The following KALRN variants were observed in gnomAD, a reference collection of about 807,000 sequenced individuals.
The protein encoded by KALRN is kalirin RhoGEF kinase.
A neutral mutation model predicts 353.7 loss-of-function variants in KALRN; 70 were observed. That is an observed-to-expected ratio of 0.20 (90% CI 0.16 to 0.24). KALRN has a LOEUF of 0.24. Ranked by LOEUF, KALRN falls within the 10% of genes least tolerant of loss-of-function variation. The probability of loss-of-function intolerance (pLI) is 1.00; values close to 1 mark genes in which losing one functional copy is unlikely to be tolerated. For synonymous variants in KALRN, 1,391 were observed against 1,434.8 expected, an observed-to-expected ratio of 0.97 and a Z score of 0.69; for missense variants, 2,791 against 3,756.7, an observed-to-expected ratio of 0.74 and a Z score of 6.72.
In KALRN at chr3:124,102,091, T is replaced by A. The variant is rs570546247; in HGVS notation, c.73+68278T>A. 2.0e-5 allele frequency among the ~76,000 whole-genome samples: 3 copies of A among 152,312 alleles called. No individual in the cohort carries two copies. In the East Asian group the frequency reaches 5.8e-4, roughly 29 times the overall value. ...ATTAGAGGAGTTTGTTTTAATCACC[T>A]TCTCATTTGAGCCAAATATTCAGGT... On this transcript the variant is annotated intron_variant, in intron 1 of 59. Coordinates refer to ENST00000682506, the MANE Select transcript of KALRN (RefSeq NM_001388419.1).
At chr3:124,047,641 C>A (rs760452422) in intron 1 of KALRN, among the ~76,000 whole-genome samples, 1 of 150,964 alleles carries the variant, frequency 6.6e-6, no homozygotes, top group South Asian at 2.1e-4. Context: ...TACAGGCGCC[C>A]GCCACCACGC....
chr3:124,159,591 T>TA (rs397956961), intron 1 of KALRN, among the ~76,000 whole-genome samples: 1 of 118,898 alleles, frequency 8.4e-6, no homozygotes, highest in Admixed American at 8.6e-5. Flanking sequence ...TTTTTTTTTT[T>TA]AAACTTTCTA....
intron 10 of KALRN, among the ~76,000 whole-genome samples, chr3:124,364,297 A>G (rs1258211048): frequency 1.3e-5 from 2 of 152,182 alleles, no homozygotes; most frequent in Non-Finnish European, 2.9e-5. Context: ...GAATGTCAGG[A>G]ACAGTCAAGA....
intron 34 of KALRN, among the ~76,000 whole-genome samples, chr3:124,580,236 T>C (rs1257906151): frequency 2.0e-5 from 3 of 152,114 alleles, no homozygotes; most frequent in African/African-American, 7.2e-5. Context: ...ATACTTGAGT[T>C]TGAGAACCAC....
chr3:124,074,630 C>T (rs2060179760), intron 1 of KALRN, among the ~76,000 whole-genome samples: 1 of 152,198 alleles, frequency 6.6e-6, no homozygotes, highest in Non-Finnish European at 1.5e-5. Flanking sequence ...CTCTTAGAAC[C>T]TGGAAAGACT....
intron 6 of KALRN, among the ~76,000 whole-genome samples, chr3:124,312,363 G>A (rs2078359496): frequency 1.3e-5 from 2 of 152,190 alleles, no homozygotes; most frequent in African/African-American, 4.8e-5. Context: ...GTTTCGCCAT[G>A]TTGGCCAGGC....
chr3:124,181,076 C>CAAAAAAAAAAAAAAAAAAAAAAAAAA (rs60579271), intron 1 of KALRN, among the ~76,000 whole-genome samples: 2 of 55,280 alleles, frequency 3.6e-5, no homozygotes, highest in African/African-American at 1.5e-4. Flanking sequence ...ACTAAAAATA[C>CAAAAAAAAAAAAAAAAAAAAAAAAAA]AAAAAAAAAA....
Position 124,464,616 on chromosome 3 carries a change from G to T in KALRN, c.4031+1983G>T, listed in dbSNP as rs182262245. 1.2e-3 allele frequency among the ~76,000 whole-genome samples: 181 copies of T among 152,062 alleles called. 1 individual carries two copies. The highest frequency in any genetic ancestry group is 4.3e-3 in the African/African-American group (178 of 41,474). On this transcript the variant is annotated intron_variant, in intron 25 of 59. Coordinates refer to ENST00000682506, the MANE Select transcript of KALRN (RefSeq NM_001388419.1). Reference sequence around the variant, plus strand: ...ATCGAGTTAGAATATTATGAAGAAAGAAAAAGAAAATAACAACTAGCCTCT... The same window carrying T: ...ATCGAGTTAGAATATTATGAAGAAATAAAAAGAAAATAACAACTAGCCTCT...
chr3:124,352,737 C>A (rs2082964254), intron 10 of KALRN, among the ~76,000 whole-genome samples: 2 of 151,616 alleles, frequency 1.3e-5, no homozygotes, highest in African/African-American at 4.9e-5. Flanking sequence ...AACTGGAAAC[C>A]ATCATTCTCA....
chr3:124,718,900 TC>T (rs143730660), intron 59 of KALRN, 24 bp from the exon 60 acceptor site: 52,853 of 1,607,648 alleles, frequency 0.033, 1,066 homozygotes, highest in Non-Finnish European at 0.038. Context: ...CCTTCTTTTC[TC>T]CCTGCTTCCT....
chr3:124,496,687 T>C (rs1276645416), intron 33 of KALRN, among the ~76,000 whole-genome samples: 2 of 152,138 alleles, frequency 1.3e-5, no homozygotes, highest in Non-Finnish European at 2.9e-5. Context: ...TGAGGGAGTC[T>C]AGGTTTCTTC....
chr3:124,286,259 C>G (rs1560464234), intron 5 of KALRN, among the ~76,000 whole-genome samples: 1 of 147,782 alleles, frequency 6.8e-6, no homozygotes, highest in Non-Finnish European at 1.5e-5. Context: ...CTCTCTTGCT[C>G]TCTCTCTCTT....
At chr3:124,073,865 A>G (rs541730632) in intron 1 of KALRN, among the ~76,000 whole-genome samples, 3 of 152,150 alleles carry the variant, frequency 2.0e-5, no homozygotes, top group Non-Finnish European at 4.4e-5. Flanking sequence ...GACACAACAT[A>G]GAAGTATTTT....
At position 124,442,062 on chromosome 3, in the gene KALRN, C is replaced by G; in HGVS notation, c.3313+3C>G. 1 of 1,580,366 alleles carries G rather than the reference C, an allele frequency of 6.3e-7. No individual in the cohort carries two copies. On this transcript the variant is annotated splice_donor_region_variant and intron_variant, in intron 19 of 59. Transcript: ENST00000682506. Reference sequence around the variant, plus strand: ...GGGACCCGAGCAACAAGTGAAAGGTCAGTGAGAGACCTGCCCAGCCACCAG... The same window carrying G: ...GGGACCCGAGCAACAAGTGAAAGGTGAGTGAGAGACCTGCCCAGCCACCAG...
chr3:124,618,125 T>C (rs1279499948), intron 34 of KALRN, among the ~76,000 whole-genome samples: 1 of 98,576 alleles, frequency 1.0e-5, no homozygotes, highest in African/African-American at 4.3e-5. Context: ...TTTTTTTTTT[T>C]TGAGATGGAG....
At chr3:124,276,745 C>G (rs927758658) in intron 5 of KALRN, among the ~76,000 whole-genome samples, 2 of 152,228 alleles carry the variant, frequency 1.3e-5, no homozygotes, top group African/African-American at 4.8e-5. Context: ...AGAGCAGAGA[C>G]CCACCCAAAA....
chr3:124,303,623 GTTC>G (rs2077439999), intron 6 of KALRN, among the ~76,000 whole-genome samples: 1 of 152,090 alleles, frequency 6.6e-6, no homozygotes, highest in African/African-American at 2.4e-5. Flanking sequence ...TAATTAGCTG[GTTC>G]TTTGGGAAAA....
At chr3:124,514,297 C>T (rs1406088353) in intron 33 of KALRN, among the ~76,000 whole-genome samples, 2 of 152,114 alleles carry the variant, frequency 1.3e-5, no homozygotes, top group Non-Finnish European at 2.9e-5. Context: ...ACAGAATCCC[C>T]CACCCCATCT....
At chr3:124,592,589 T>G (rs1056620913) in intron 34 of KALRN, among the ~76,000 whole-genome samples, 3 of 109,348 alleles carry the variant, frequency 2.7e-5, no homozygotes, top group African/African-American at 9.4e-5. Flanking sequence ...TTGTTGGTTC[T>G]TCTTCAGACT....
Sources: allele counts gnomAD v4.1 joint callset (sites outside exome capture counted in the v4.1 genomes callset), GRCh38; gene constraint gnomAD v4.1.1; transcripts MANE v1.5; gene names NCBI Gene and HGNC (gene_info 2026-07-23, HGNC 2026-07-21).